Variants in SCO1 observed in about 807,000 individuals in gnomAD.
SCO1 encodes cytochrome c oxidase assembly factor SCO1.
A neutral mutation model predicts 34.0 loss-of-function variants in SCO1; 23 were observed. That is an observed-to-expected ratio of 0.68 (90% CI 0.49 to 0.96). The LOEUF (loss-of-function observed/expected upper bound fraction) is 0.96, where lower values mean the gene tolerates loss of function less well. SCO1 is among the 40% of genes least tolerant of loss of function. SCO1 has a pLI of 0.00. For synonymous variants in SCO1, 161 were observed against 145.5 expected (o/e 1.11, Z -0.77); for missense variants, 404 against 381.6 (o/e 1.06, Z -0.49).
At chr17:10,683,681 T>C (rs1466127650) in intron 5 of SCO1, among the ~76,000 whole-genome samples, 1 of 151,440 alleles carries the variant, frequency 6.6e-6, no homozygotes, top group East Asian at 1.9e-4. Context: ...TGAAAGCTAT[T>C]TGTATTCTTT....
At chr17:10,696,785 C>T (rs2074731150) in intron 1 of SCO1, among the ~76,000 whole-genome samples, 2 of 149,950 alleles carry the variant, frequency 1.3e-5, no homozygotes, top group Admixed American at 6.6e-5. Flanking sequence ...CTCGAGAGAA[C>T]CCCAAGAAAA....
At chr17:10,682,872 G>A (rs2074631325) in intron 5 of SCO1, among the ~76,000 whole-genome samples, 1 of 152,222 alleles carries the variant, frequency 6.6e-6, no homozygotes, top group Admixed American at 6.5e-5. Context: ...GCTGGAGAGA[G>A]TAAATTATAT....
At chr17:10,691,572 G>C (rs892905752) in intron 4 of SCO1, among the ~76,000 whole-genome samples, 1 of 152,216 alleles carries the variant, frequency 6.6e-6, no homozygotes, top group Non-Finnish European at 1.5e-5. Flanking sequence ...GCTGGAGTTA[G>C]AAGCAATGTG....
rs916458710 is a variant in SCO1 at position 10,680,384 on chromosome 17, T to C, written c.*735A>G. ...TTACTTTACACAAAGTACAATCCAG[T>C]ATATGCAGAAAGGTACTCAGCATCA... is the stretch of plus-strand genomic sequence containing the variant. On this transcript the variant is annotated 3_prime_UTR_variant, in exon 6 of 6. Transcript: ENST00000255390. 1 of 153,938 alleles carries C rather than the reference T, an allele frequency of 6.5e-6. No individual in the cohort carries two copies. Among genetic ancestry groups the C allele is most frequent in the African/African-American group, 2.4e-5 (1 of 41,418 alleles). 9.5% of individuals were successfully genotyped at this position (153,938 alleles called of 1,614,324 possible).
intron 5 of SCO1, among the ~76,000 whole-genome samples, chr17:10,682,643 C>T (rs909882684): frequency 6.6e-6 from 1 of 152,154 alleles, no homozygotes; most frequent in Non-Finnish European, 1.5e-5. Context: ...ATTATTTTAT[C>T]TGTATCTGTC....
Position 10,686,812 on chromosome 17 carries a change from C to A in SCO1, c.686G>T (p.Gly229Val). The change falls in exon 5 of 6, where the codon GGC (glycine) becomes GTC (valine). Residue 229 changes from glycine (G) to valine (V), a missense_variant. By Grantham distance (109) the Gly-to-Val change is moderately radical. Transcript: ENST00000255390. ...CACTTGATCGACCTCTTCTCTCGTG[C>A]CAGTCAAGCCAACCAGTTTGGGAGA... ...EFSPKLVGLT[G>V]TREEVDQVAR... The A allele has an allele frequency of 6.2e-7, 1 of 1,613,738 alleles. No individual in the cohort carries two copies. Among genetic ancestry groups the A allele is most frequent in the Non-Finnish European group, 8.5e-7 (1 of 1,179,756 alleles).
chr17:10,697,023 T>C (rs2074734157), intron 1 of SCO1, among the ~76,000 whole-genome samples: 1 of 148,476 alleles, frequency 6.7e-6, no homozygotes, highest in South Asian at 2.1e-4. Context: ...GTGGAGAGGG[T>C]GTAAAGTCTC....
Position 10,674,985 on chromosome 17 carries a change from C to G in SCO1, c.*6134G>C, listed in dbSNP as rs920886514. ...AGCTGCTGCTCACCACAGCAGCCAA[C>G]AAGGAATGTGCCCACTCTCCCCTTC... is the stretch of plus-strand genomic sequence containing the variant. On this transcript the variant is annotated 3_prime_UTR_variant, in exon 6 of 6. Transcript: ENST00000255390. The G allele has an allele frequency of 2.0e-5, 3 of 152,350 alleles. No homozygotes were observed. Among genetic ancestry groups the G allele is most frequent in the Admixed American group, 6.5e-5 (1 of 15,280 alleles). 9.4% of individuals were successfully genotyped at this position (152,350 alleles called of 1,614,324 possible). A position where few individuals can be genotyped will look rare whatever the true frequency, so the allele number is the denominator to read the frequency against.
chr17:10,682,012 CAG>C (rs564035019), intron 5 of SCO1, among the ~76,000 whole-genome samples: 270 of 152,290 alleles, frequency 1.8e-3, no homozygotes, highest in Middle Eastern at 6.8e-3. Flanking sequence ...CCCCCCTAAC[CAG>C]AGAGTCATCG....
Position 10,675,269 on chromosome 17 carries a change from C to T in SCO1, c.*5850G>A. ...CATCTGCCTCCTGCTGTTGCTGAAG[C>T]TTGCTGACACTTTCTCCACGCTGTC... is the stretch of plus-strand genomic sequence containing the variant. On this transcript the variant is annotated 3_prime_UTR_variant, in exon 6 of 6. Transcript: ENST00000255390. The T allele has an allele frequency of 6.5e-6, 1 of 152,762 alleles. No individual in the cohort carries two copies. Among genetic ancestry groups the T allele is most frequent in the Non-Finnish European group, 1.5e-5 (1 of 68,208 alleles). 9.5% of individuals were successfully genotyped at this position (152,762 alleles called of 1,614,324 possible).
intron 3 of SCO1, 49 bp from the exon 4 acceptor site, chr17:10,692,013 C>A (rs1597509480): frequency 2.3e-6 from 3 of 1,314,410 alleles, no homozygotes; most frequent in Non-Finnish European, 3.3e-6. Context: ...AGGGAAAAGA[C>A]AAAGAAAACC....
intron 5 of SCO1, among the ~76,000 whole-genome samples, chr17:10,681,573 G>A (rs2074622012): frequency 6.6e-6 from 1 of 152,184 alleles, no homozygotes; most frequent in African/African-American, 2.4e-5. Context: ...AGCTGCTGCA[G>A]GCTTTCATAA....
At chr17:10,692,048 G>A (rs1006434714) in intron 3 of SCO1, 84 bp from the exon 4 acceptor site, 16 of 938,614 alleles carry the variant, frequency 1.7e-5, no homozygotes, top group South Asian at 2.6e-5. Flanking sequence ...AGTATAGGAC[G>A]TGCTGGACAG....
At chr17:10,696,498 T>C (rs1420783783) in intron 1 of SCO1, among the ~76,000 whole-genome samples, 1 of 152,234 alleles carries the variant, frequency 6.6e-6, no homozygotes, top group Admixed American at 6.5e-5. Context: ...TATCTGCTTA[T>C]GCTGATACTG....
At position 10,678,127 on chromosome 17, in the gene SCO1, G is replaced by GA. The variant is rs368861102; in HGVS notation, c.*2991dup. The GA allele has an allele frequency of 5.5e-3, 814 of 146,752 alleles. 8 individuals carry two copies. The highest frequency in any genetic ancestry group is 0.025 in the Middle Eastern group (7 of 282). The allele number at this position is 146,752 out of a possible 1,614,324, so 9.1% of individuals were successfully genotyped here. ...TGAAACTCTGTCTCAAAAAAGAAAAGAAAAAAAAAACAGCCTTGCTTTTGA... is the reference window on the plus strand; with the variant it reads ...TGAAACTCTGTCTCAAAAAAGAAAAGAAAAAAAAAAACAGCCTTGCTTTTGA... On this transcript the variant is annotated 3_prime_UTR_variant, in exon 6 of 6. Coordinates refer to ENST00000255390, the MANE Select transcript of SCO1 (RefSeq NM_004589.4).
Position 10,676,396 on chromosome 17 carries a change from T to C in SCO1, c.*4723A>G, listed in dbSNP as rs145228864. On this transcript the variant is annotated 3_prime_UTR_variant, in exon 6 of 6. Coordinates refer to ENST00000255390, the MANE Select transcript of SCO1 (RefSeq NM_004589.4). ...ATGAGCCACCGTGCCCAGCCAACTG[T>C]GGTTGTTTTTAAAGGACAAAGTTGG... 1 of 152,188 alleles carries C rather than the reference T, an allele frequency of 6.6e-6. No homozygotes were observed. Among genetic ancestry groups the C allele is most frequent in the Non-Finnish European group, 1.5e-5 (1 of 68,028 alleles). 9.4% of individuals were successfully genotyped at this position (152,188 alleles called of 1,614,324 possible).
Position 10,673,398 on chromosome 17 carries a change from C to G in SCO1, c.*7721G>C, listed in dbSNP as rs954797477. 1 of 152,204 alleles carries G rather than the reference C, an allele frequency of 6.6e-6. No individual in the cohort carries two copies. Among genetic ancestry groups the G allele is most frequent in the East Asian group, 1.9e-4 (1 of 5,192 alleles). 9.4% of individuals were successfully genotyped at this position (152,204 alleles called of 1,614,324 possible). A position where few individuals can be genotyped will look rare whatever the true frequency, so the allele number is the denominator to read the frequency against. ...GACTGTCTTGTGCTGTGATCCCGCA[C>G]GTTCCCGACAGGGCTTTCTGAATGT... On this transcript the variant is annotated 3_prime_UTR_variant, in exon 6 of 6. Coordinates refer to ENST00000255390, the MANE Select transcript of SCO1 (RefSeq NM_004589.4).
intron 4 of SCO1, 44 bp from the exon 5 acceptor site, chr17:10,686,886 A>G (rs765299501): frequency 3.1e-6 from 4 of 1,271,232 alleles, no homozygotes; most frequent in South Asian, 1.2e-5. Flanking sequence ...AGAAGCCAGT[A>G]AAACAACCAT....
intron 4 of SCO1, among the ~76,000 whole-genome samples, chr17:10,688,154 T>C (rs2074668472): frequency 6.6e-6 from 1 of 152,218 alleles, no homozygotes; most frequent in South Asian, 2.1e-4. Flanking sequence ...GACAAACTGA[T>C]AAATTTGGAC....
Sources: allele counts gnomAD v4.1 joint callset (sites outside exome capture counted in the v4.1 genomes callset), GRCh38; gene constraint gnomAD v4.1.1; transcripts MANE v1.5; gene names NCBI Gene and HGNC (gene_info 2026-07-23, HGNC 2026-07-21).